Variants in API5 observed in about 807,000 individuals in gnomAD.
API5 encodes FIF.
API5 carries 6 observed loss-of-function variants against 71.9 expected under a neutral mutation model. The observed-to-expected ratio is 0.08, with a 90% CI of 0.05 to 0.16. The LOEUF (loss-of-function observed/expected upper bound fraction) is 0.16, where lower values mean the gene tolerates loss of function less well. Ranked by LOEUF, API5 falls within the 10% of genes least tolerant of loss-of-function variation. The pLI, the probability that API5 is intolerant of heterozygous loss-of-function variation, is 1.00. For synonymous variants in API5, 189 were observed against 221.3 expected (o/e 0.85, Z 1.30); for missense variants, 332 against 612.8 (o/e 0.54, Z 4.84).
chr11:43,317,233 A>ATG (rs567065293), intron 1 of API5, among the ~76,000 whole-genome samples: 63 of 152,266 alleles, frequency 4.1e-4, no homozygotes, highest in African/African-American at 1.5e-3. Context: ...AACAATATAT[A>ATG]TGTGTAGTCT....
At chr11:43,329,131 C>G (rs1855167451) in intron 9 of API5, 1 of 446,646 alleles carries the variant, frequency 2.2e-6, no homozygotes, top group Non-Finnish European at 4.0e-6. Context: ...TGCTTGACAC[C>G]AGGAGTTTGA....
chr11:43,340,682 CA>C (rs989393153), intron 13 of API5, among the ~76,000 whole-genome samples: 49 of 139,186 alleles, frequency 3.5e-4, no homozygotes, highest in Non-Finnish European at 3.0e-4. Flanking sequence ...ATTGGAGGGA[CA>C]AAAAAAAAAG....
chr11:43,312,378 G>A (rs967960276), intron 1 of API5, among the ~76,000 whole-genome samples, 182 bp downstream of exon 1: 4 of 152,034 alleles, frequency 2.6e-5, no homozygotes, highest in African/African-American at 9.7e-5. Flanking sequence ...GTTTCACCAG[G>A]GAGACCGCGG....
chr11:43,318,617 T>C (rs1247024971), intron 1 of API5, 23 bp from the exon 2 acceptor site: 1 of 1,609,712 alleles, frequency 6.2e-7, no homozygotes, highest in Admixed American at 1.7e-5. Context: ...CATGTGTCTT[T>C]CCTGCTTTAT....
At chr11:43,335,607 G>A (rs1481240019) in intron 12 of API5, among the ~76,000 whole-genome samples, 8 of 152,242 alleles carry the variant, frequency 5.3e-5, no homozygotes, top group African/African-American at 1.2e-4. Context: ...GTTTTGTAAA[G>A]TGAGTCACTT....
At position 43,323,604 on chromosome 11, in the gene API5, C is replaced by G; in HGVS notation, c.718C>G (p.Gln240Glu). ...TCCTGACTGTGTGGACAGGCTCTTA[C>G]AGTGCACTCGGCAGGCAGTACCCCT... ...SDPDCVDRLL[Q>E]CTRQAVPLFS... is the part of the protein sequence containing the mutation. Residue 240 changes from glutamine to glutamate, a missense_variant, in exon 6 of 14, where the codon CAG becomes GAG. Physicochemically the swap from Gln to Glu is conservative, Grantham distance 29 (BLOSUM62 2). Transcript: ENST00000531273. 6.2e-7 allele frequency: 1 copy of G among 1,614,006 alleles called. No individual in the cohort carries two copies. The highest frequency in any genetic ancestry group is 1.1e-5 in the South Asian group (1 of 91,080).
chr11:43,328,950 TC>T (rs1855161394), intron 9 of API5, 57 bp downstream of exon 9: 1 of 1,581,340 alleles, frequency 6.3e-7, no homozygotes, highest in South Asian at 1.1e-5. Context: ...ATCCTGAAGT[TC>T]CTTGGGTTTT....
At chr11:43,328,589 G>T in intron 8 of API5, 123 bp from the exon 9 acceptor site, 1 of 832,526 alleles carries the variant, frequency 1.2e-6, no homozygotes, top group Non-Finnish European at 1.9e-6. Context: ...AAATCCAAAT[G>T]TCTGGTTTTG....
rs778090493 is a variant in API5 at position 43,342,568 on chromosome 11, C to T, written c.*58C>T. 13 of 1,552,214 alleles carry T rather than the reference C, an allele frequency of 8.4e-6. No homozygotes were observed. In the African/African-American group the frequency reaches 1.2e-4, roughly 15 times the overall value. ...AGCTTAATATACTTAAATTCTACTA[C>T]TCATTGGATTGCCGGGGATGTCCCT... On this transcript the variant is annotated 3_prime_UTR_variant, in exon 14 of 14. Transcript: ENST00000531273.
intron 6 of API5, among the ~76,000 whole-genome samples, chr11:43,326,086 G>T (rs1855061999): frequency 6.6e-6 from 1 of 152,096 alleles, no homozygotes; most frequent in Non-Finnish European, 1.5e-5. Flanking sequence ...GGGCCCTTCT[G>T]ATTTCTTTTT....
rs1047568820 is a variant in API5 at position 43,344,333 on chromosome 11, G to C, written c.*1823G>C. On this transcript the variant is annotated 3_prime_UTR_variant, in exon 14 of 14. Transcript: ENST00000531273. ...ACTTTCTCAAGTTTGATACTGAGTTGACTGTTCCCTTATCCCTCACCCTTC... is the reference window on the plus strand; with the variant it reads ...ACTTTCTCAAGTTTGATACTGAGTTCACTGTTCCCTTATCCCTCACCCTTC... The C allele has an allele frequency of 1.3e-5, 2 of 152,618 alleles. No individual in the cohort carries two copies. The highest frequency in any genetic ancestry group is 2.9e-5 in the Non-Finnish European group (2 of 68,030). The allele number at this position is 152,618 out of a possible 1,614,324, so 9.5% of individuals were successfully genotyped here. A position where few individuals can be genotyped will look rare whatever the true frequency, so the allele number is the denominator to read the frequency against.
chr11:43,337,431 C>T (rs1182967510), intron 13 of API5, among the ~76,000 whole-genome samples: 1 of 152,152 alleles, frequency 6.6e-6, no homozygotes, highest in Admixed American at 6.5e-5. Context: ...TTGAATTCTT[C>T]TAATGTCTGA....
intron 13 of API5, among the ~76,000 whole-genome samples, chr11:43,341,864 T>A (rs1855627347): frequency 6.6e-6 from 1 of 152,026 alleles, no homozygotes; most frequent in Non-Finnish European, 1.5e-5. Flanking sequence ...TTAAGTTTTT[T>A]AAAAAGTGTA....
At chr11:43,312,856 C>T (rs1221307836) in intron 1 of API5, among the ~76,000 whole-genome samples, 1 of 152,064 alleles carries the variant, frequency 6.6e-6, no homozygotes, top group Non-Finnish European at 1.5e-5. Context: ...CGCCTGTAAT[C>T]CGAGCACTTT....
At chr11:43,313,848 A>T (rs1854578220) in intron 1 of API5, among the ~76,000 whole-genome samples, 2 of 152,104 alleles carry the variant, frequency 1.3e-5, no homozygotes, top group South Asian at 4.1e-4. Context: ...CAATTCTTTA[A>T]GGGGCGTGGA....
chr11:43,337,571 T>G (rs948269774), intron 13 of API5, among the ~76,000 whole-genome samples: 2 of 152,188 alleles, frequency 1.3e-5, no homozygotes, highest in Non-Finnish European at 2.9e-5. Context: ...AATGTGCATC[T>G]CCTTGCCTCT....
intron 4 of API5, 120 bp from the exon 5 acceptor site, chr11:43,321,865 G>C: frequency 1.0e-6 from 1 of 994,956 alleles, no homozygotes; most frequent in Admixed American, 2.7e-5. Context: ...CTAGTAATGA[G>C]GATGATATTT....
intron 6 of API5, among the ~76,000 whole-genome samples, chr11:43,324,347 C>G (rs1242431635): frequency 3.3e-5 from 5 of 151,984 alleles, no homozygotes. Flanking sequence ...TTCCTAGAGA[C>G]TTTTTTTGAA....
In API5 at chr11:43,330,528, A is replaced by C. The variant is rs537478195; in HGVS notation, c.1242A>C (p.Ala414=). 18 of 1,600,370 alleles carry C rather than the reference A, an allele frequency of 1.1e-5. 1 individual carries two copies. The South Asian group carries it at 2.0e-4, about 18-fold the overall frequency. Residue 414 remains alanine, a synonymous_variant, in exon 11 of 14, where the codon GCA becomes GCC. Coordinates refer to ENST00000531273, the MANE Select transcript of API5 (RefSeq NM_001142930.2). ...KTEENKIKVV[A]LKITNNINVL... is the part of the protein sequence containing the mutation. ...TGTAGAACAAGATTAAAGTCGTTGC[A>C]TTGAAAATAACAAACAATATCAATG...
Sources: allele counts gnomAD v4.1 joint callset (sites outside exome capture counted in the v4.1 genomes callset), GRCh38; gene constraint gnomAD v4.1.1; transcripts MANE v1.5; gene names NCBI Gene and HGNC (gene_info 2026-07-23, HGNC 2026-07-21).